The following DNAH6 variants were observed in gnomAD, a reference collection of about 807,000 sequenced individuals.
The protein encoded by DNAH6 is dynein axonemal heavy chain 6.
A neutral mutation model predicts 491.4 loss-of-function variants in DNAH6; 340 were observed. The ratio of observed to expected loss-of-function variants is 0.69; its 90% CI spans 0.63 to 0.76. The LOEUF (loss-of-function observed/expected upper bound fraction) is 0.76, where lower values mean the gene tolerates loss of function less well. DNAH6 is among the 30% of genes least tolerant of loss of function. The pLI, the probability that DNAH6 is intolerant of heterozygous loss-of-function variation, is 0.00. For missense variants in DNAH6, 4,443 were observed against 4,972.2 expected (o/e 0.89, Z 3.20); for synonymous variants, 1,603 against 1,686.1 (o/e 0.95, Z 1.21).
At chr2:84,745,338 G>A in intron 63 of DNAH6, 89 bp downstream of exon 63, 1 of 1,070,430 alleles carries the variant, frequency 9.3e-7, no homozygotes, top group South Asian at 2.6e-5. Context: ...TTATTTGAGA[G>A]TAACAATGGC....
chr2:84,524,105 C>G lies in DNAH6; in HGVS notation c.226-1460C>G, dbSNP rs548910773. 1.1e-3 allele frequency among the ~76,000 whole-genome samples: 172 copies of G among 152,080 alleles called. 6 individuals carry two copies. The South Asian group carries it at 0.032, about 28-fold the overall frequency. ...AAGTCACTTTGTAGGTCTCTAAGAA[C>G]TTGCTTTGTGAATCTGGGTGCTCCT... On this transcript the variant is annotated intron_variant, in intron 2 of 76. Transcript: ENST00000389394.
Position 84,762,907 on chromosome 2 carries a change from A to C in DNAH6, c.10665A>C (p.Ala3555=), listed in dbSNP as rs373251921. 1 of 1,551,400 alleles carries C rather than the reference A, an allele frequency of 6.4e-7. No homozygotes were observed. Among genetic ancestry groups the C allele is most frequent in the African/African-American group, 1.4e-5 (1 of 73,028 alleles). ...GCACAGGCTCAGATCCCATGGGTGCATTTCAGAGGTTTGCCAGGGAAAGTG... is the reference window on the plus strand; with the variant it reads ...GCACAGGCTCAGATCCCATGGGTGCCTTTCAGAGGTTTGCCAGGGAAAGTG... The part of the protein sequence containing the change: ...ILSTGSDPMG[A]FQRFARESGY... The change falls in exon 64 of 77, where the codon GCA becomes GCC. Residue 3555 remains alanine (A), a synonymous_variant. Transcript: ENST00000389394.
At chr2:84,660,712 C>T (rs1691421404) in intron 37 of DNAH6, among the ~76,000 whole-genome samples, 1 of 152,002 alleles carries the variant, frequency 6.6e-6, no homozygotes, top group Non-Finnish European at 1.5e-5. Flanking sequence ...TGATATGGGG[C>T]ACTGTGAAAG....
chr2:84,635,564 T>C (rs1688804571), intron 30 of DNAH6, among the ~76,000 whole-genome samples: 1 of 152,126 alleles, frequency 6.6e-6, no homozygotes, highest in Non-Finnish European at 1.5e-5. Context: ...GGCTGAGCAA[T>C]TCACTGAAAG....
chr2:84,525,848 G>A lies in DNAH6; in HGVS notation c.399+110G>A, dbSNP rs1558662995. 6.4e-6 allele frequency: 5 copies of A among 780,606 alleles called. No homozygotes were observed. In the East Asian group the frequency reaches 1.1e-4, roughly 17 times the overall value. 48.4% of individuals were successfully genotyped at this position (780,606 alleles called of 1,614,324 possible). ...TAGAAGCAAAGTCATTTTCTATAAG[G>A]TTGCATAATGAGTTTGGGAAATATA... On this transcript the variant is annotated intron_variant, in intron 3 of 76. Transcript: ENST00000389394.
At chr2:84,595,559 T>C in intron 17 of DNAH6, 87 bp from the exon 18 acceptor site, 1 of 1,214,812 alleles carries the variant, frequency 8.2e-7, no homozygotes, top group South Asian at 1.7e-5. Context: ...AGATTTGGAT[T>C]AACTTTTAAA....
At chr2:84,661,062 A>G (rs932166683) in intron 37 of DNAH6, among the ~76,000 whole-genome samples, 3 of 152,092 alleles carry the variant, frequency 2.0e-5, no homozygotes, top group African/African-American at 7.2e-5. Context: ...TCACCTAAGT[A>G]TTTTTTTAAT....
At position 84,762,747 on chromosome 2, in the gene DNAH6, A is replaced by T; in HGVS notation, c.10513-8A>T. On this transcript the variant is annotated splice_polypyrimidine_tract_variant and splice_region_variant and intron_variant, in intron 63 of 76. Coordinates refer to ENST00000389394, the MANE Select transcript of DNAH6 (RefSeq NM_001370.2). The stretch of plus-strand genomic sequence containing the variant: ...TCAACATACTTTTTTTTTCTTTTCA[A>T]CTTTCAGGTGGTTTTTGCTCTTACA... 7 of 1,532,074 alleles carry T rather than the reference A, an allele frequency of 4.6e-6. No homozygotes were observed. Among genetic ancestry groups the T allele is most frequent in the Admixed American group, 4.4e-5 (2 of 45,856 alleles). 94.9% of individuals were successfully genotyped at this position (1,532,074 alleles called of 1,614,324 possible).
the DNAH6 span, among the ~76,000 whole-genome samples, chr2:84,464,575 G>A: frequency 1.3e-5 from 2 of 152,208 alleles, no homozygotes; most frequent in East Asian, 3.8e-4. Flanking sequence ...AGGGCTGCTG[G>A]TTGCCCATTT....
chr2:84,560,967 A>G (rs1159943453), intron 11 of DNAH6, among the ~76,000 whole-genome samples: 3 of 151,560 alleles, frequency 2.0e-5, no homozygotes, highest in Non-Finnish European at 2.9e-5. Context: ...TCCTTTGGGT[A>G]TATACCCAGT....
chr2:84,812,761 C>T (rs548129709), intron 73 of DNAH6, among the ~76,000 whole-genome samples: 13 of 152,314 alleles, frequency 8.5e-5, no homozygotes, highest in Non-Finnish European at 1.2e-4. Flanking sequence ...GGGGTTTCAG[C>T]TCTAATTCAT....
chr2:84,800,022 G>A (rs983684686), intron 70 of DNAH6, among the ~76,000 whole-genome samples: 5 of 152,170 alleles, frequency 3.3e-5, no homozygotes, highest in African/African-American at 9.7e-5. Flanking sequence ...GCAGCTAAGA[G>A]CCTATGTGCT....
chr2:84,575,427 A>C (rs1364230156), intron 12 of DNAH6, among the ~76,000 whole-genome samples: 1 of 152,178 alleles, frequency 6.6e-6, no homozygotes, highest in Non-Finnish European at 1.5e-5. Context: ...TCTAAGTAAT[A>C]TTTAGACATT....
intron 15 of DNAH6, among the ~76,000 whole-genome samples, chr2:84,586,113 G>A (rs1446123866): frequency 6.6e-6 from 1 of 152,234 alleles, no homozygotes; most frequent in African/African-American, 2.4e-5. Context: ...GATCAGAGCA[G>A]GGAGAGACCA....
intron 71 of DNAH6, among the ~76,000 whole-genome samples, chr2:84,808,133 G>A (rs28636512): frequency 0.029 from 1,081 of 36,982 alleles, 2 homozygotes; most frequent in Non-Finnish European, 0.039. Context: ...GTATATATAT[G>A]TGTGTGTGTG....
the DNAH6 span, among the ~76,000 whole-genome samples, chr2:84,498,994 A>G: frequency 5.3e-5 from 8 of 152,206 alleles, no homozygotes; most frequent in African/African-American, 1.7e-4. Context: ...AATGGGAATA[A>G]GCACTTCATG....
upstream of DNAH6, among the ~76,000 whole-genome samples, chr2:84,511,473 C>T (rs896629202): frequency 6.6e-6 from 1 of 152,146 alleles, no homozygotes; most frequent in Non-Finnish European, 1.5e-5. Context: ...CCGTCCATCA[C>T]CCCTTTCTTT....
At chr2:84,718,625 G>A (rs538492710) in intron 59 of DNAH6, among the ~76,000 whole-genome samples, 35 of 152,252 alleles carry the variant, frequency 2.3e-4, no homozygotes, top group Middle Eastern at 3.4e-3. Flanking sequence ...TAAAGAACTG[G>A]ACAAGATATA....
intron 4 of DNAH6, among the ~76,000 whole-genome samples, chr2:84,529,555 T>A (rs947985474): frequency 3.2e-3 from 1 of 310 alleles, no homozygotes; most frequent in Non-Finnish European, 4.3e-3. Context: ...GAAATAAGGA[T>A]TTTTTTAATA....
Sources: allele counts gnomAD v4.1 joint callset (sites outside exome capture counted in the v4.1 genomes callset), GRCh38; gene constraint gnomAD v4.1.1; transcripts MANE v1.5; gene names NCBI Gene and HGNC (gene_info 2026-07-23, HGNC 2026-07-21).